The following SLC6A11 variants were observed in gnomAD, a reference collection of about 807,000 sequenced individuals.
SLC6A11 encodes the protein sodium- and chloride-dependent GABA transporter 3.
In SLC6A11, 25 loss-of-function variants were observed where a neutral mutation model predicts 74.8. That is an observed-to-expected ratio of 0.33 (90% confidence interval 0.24 to 0.47). The LOEUF (loss-of-function observed/expected upper bound fraction) is 0.47. SLC6A11 is among the 20% of genes least tolerant of loss of function. SLC6A11 has a pLI of 1.00. For missense variants in SLC6A11, 574 were observed against 837.0 expected (o/e 0.69, Z 3.88); for synonymous variants, 330 against 330.2 (o/e 1.00, Z 0.01).
At chr3:10,841,567 G>A (rs1559557020) in intron 4 of SLC6A11, among the ~76,000 whole-genome samples, 2 of 152,206 alleles carry the variant, frequency 1.3e-5, no homozygotes, top group Non-Finnish European at 2.9e-5. Flanking sequence ...TTCATCCTCC[G>A]TAGCTTTTAG....
At chr3:10,847,662 G>A (rs968793388) in intron 5 of SLC6A11, among the ~76,000 whole-genome samples, 19 of 152,182 alleles carry the variant, frequency 1.2e-4, no homozygotes, top group African/African-American at 3.6e-4. Flanking sequence ...TTCCCAGCTC[G>A]TTATTAATGA....
At chr3:10,933,976 G>A (rs1695724231) in intron 11 of SLC6A11, 90 bp from the exon 12 acceptor site, 1 of 825,524 alleles carries the variant, frequency 1.2e-6, no homozygotes, top group Non-Finnish European at 2.1e-6. Context: ...GTCTCAGGCT[G>A]GAGAAAGCAA....
At chr3:10,875,797 C>T (rs1694901263) in intron 6 of SLC6A11, among the ~76,000 whole-genome samples, 1 of 152,194 alleles carries the variant, frequency 6.6e-6, no homozygotes, top group African/African-American at 2.4e-5. Flanking sequence ...AAAAACAGAA[C>T]ATCTCACAAG....
intron 5 of SLC6A11, among the ~76,000 whole-genome samples, chr3:10,865,573 G>A (rs2106597469): frequency 6.6e-6 from 1 of 152,322 alleles, no homozygotes; most frequent in East Asian, 1.9e-4. Context: ...TGAGGCAGGA[G>A]AATCGCTTGA....
intron 5 of SLC6A11, among the ~76,000 whole-genome samples, chr3:10,871,161 G>A (rs1223643460): frequency 6.6e-6 from 1 of 152,130 alleles, no homozygotes; most frequent in African/African-American, 2.4e-5. Flanking sequence ...GGAACTGTGA[G>A]GCTACATTTG....
chr3:10,836,256 C>T (rs138000101), intron 4 of SLC6A11, among the ~76,000 whole-genome samples: 47 of 152,310 alleles, frequency 3.1e-4, no homozygotes, highest in African/African-American at 9.6e-4. Flanking sequence ...TTTGTGAATC[C>T]GTTCATCAGT....
chr3:10,818,793 A>G (rs1397322282), intron 1 of SLC6A11, among the ~76,000 whole-genome samples: 1 of 152,212 alleles, frequency 6.6e-6, no homozygotes, highest in Non-Finnish European at 1.5e-5. Flanking sequence ...AGAAAGGCCC[A>G]GGAAATGGGT....
intron 3 of SLC6A11, among the ~76,000 whole-genome samples, chr3:10,821,804 ATT>A (rs67912503): frequency 0.14 from 21,542 of 149,934 alleles, 1,948 homozygotes; most frequent in East Asian, 0.38. Context: ...GTGTCCAGTA[ATT>A]TTTTTTTTTA....
intron 4 of SLC6A11, among the ~76,000 whole-genome samples, chr3:10,831,268 C>T (rs115068195): frequency 3.7e-3 from 561 of 152,258 alleles, no homozygotes; most frequent in African/African-American, 0.013. Flanking sequence ...GTTTTGTCCC[C>T]AAATCCTACT....
chr3:10,831,728 G>A (rs1694301256), intron 4 of SLC6A11, among the ~76,000 whole-genome samples: 1 of 152,202 alleles, frequency 6.6e-6, no homozygotes, highest in African/African-American at 2.4e-5. Context: ...AGGAGCCACG[G>A]GGTTAGTGAA....
chr3:10,855,342 TTC>T (rs1694626151), intron 5 of SLC6A11, among the ~76,000 whole-genome samples: 1 of 152,178 alleles, frequency 6.6e-6, no homozygotes, highest in Admixed American at 6.5e-5. Flanking sequence ...CAGAGCAACT[TTC>T]TGCCTCTAGA....
rs766637316 is a variant in SLC6A11, at chr3:10,938,418, C to G, written c.*16C>G. The G allele has an allele frequency of 1.9e-6, 3 of 1,575,468 alleles. No homozygotes were observed. In the East Asian group the frequency reaches 6.8e-5, roughly 36 times the overall value. On this transcript the variant is annotated 3_prime_UTR_variant, in exon 14 of 14. Transcript: ENST00000254488. ...GCACTTCTGAGCGGCCACCAGCCAT[C>G]TGGGGCTCTTCTTCCTTTCTTCCCC...
At chr3:10,860,120 T>A (rs1049545209) in intron 5 of SLC6A11, among the ~76,000 whole-genome samples, 1 of 152,218 alleles carries the variant, frequency 6.6e-6, no homozygotes, top group African/African-American at 2.4e-5. Flanking sequence ...TCTATTTTCT[T>A]TACAGTATCA....
At chr3:10,890,645 T>G (rs1215841466) in intron 6 of SLC6A11, among the ~76,000 whole-genome samples, 1 of 152,252 alleles carries the variant, frequency 6.6e-6, no homozygotes, top group African/African-American at 2.4e-5. Context: ...ACTTTTTGAT[T>G]CTGCCTTATT....
intron 10 of SLC6A11, among the ~76,000 whole-genome samples, chr3:10,932,291 C>T (rs570112651): frequency 6.6e-6 from 1 of 152,216 alleles, no homozygotes; most frequent in South Asian, 2.1e-4. Context: ...TTCTTCATCC[C>T]ATGAAGATGG....
intron 8 of SLC6A11, among the ~76,000 whole-genome samples, chr3:10,925,766 G>A (rs1389334350): frequency 6.6e-6 from 1 of 152,178 alleles, no homozygotes; most frequent in Admixed American, 6.5e-5. Flanking sequence ...ACCTAGGCTT[G>A]AATCCTGACC....
intron 11 of SLC6A11, 58 bp from the exon 12 acceptor site, chr3:10,934,008 A>T: frequency 8.8e-7 from 1 of 1,139,246 alleles, no homozygotes; most frequent in Non-Finnish European, 1.3e-6. Flanking sequence ...CATTCCTCTG[A>T]CTCATGTACA....
At chr3:10,855,645 G>T (rs541939929) in intron 5 of SLC6A11, among the ~76,000 whole-genome samples, 1 of 152,292 alleles carries the variant, frequency 6.6e-6, no homozygotes, top group East Asian at 1.9e-4. Flanking sequence ...GGCACTGCAG[G>T]TATCAACTCT....
intron 1 of SLC6A11, among the ~76,000 whole-genome samples, chr3:10,817,439 C>T (rs1393208447): frequency 6.6e-6 from 1 of 152,198 alleles, no homozygotes; most frequent in Non-Finnish European, 1.5e-5. Flanking sequence ...GGGCTCCAGC[C>T]TTCAGGACCC....
Sources: allele counts gnomAD v4.1 joint callset (sites outside exome capture counted in the v4.1 genomes callset), GRCh38; gene constraint gnomAD v4.1.1; transcripts MANE v1.5; gene names NCBI Gene and HGNC (gene_info 2026-07-23, HGNC 2026-07-21).